The following CFAP47 variants were observed in gnomAD, a reference collection of about 807,000 sequenced individuals.
CFAP47 encodes the protein cilia- and flagella-associated protein 47.
A neutral mutation model predicts 148.1 loss-of-function variants in CFAP47; 29 were observed. The ratio of observed to expected loss-of-function variants is 0.20; its 90% CI spans 0.15 to 0.27. CFAP47 has a LOEUF of 0.27. Among genes scored for constraint, CFAP47 ranks in the 10% least tolerant of loss-of-function variants. CFAP47 has a pLI of 1.00. For synonymous variants in CFAP47, 664 were observed against 577.3 expected (o/e 1.15, Z -2.15); for missense variants, 1,872 against 1,697.5 (o/e 1.10, Z -1.81).
chrX:36,211,507 T>C, intron 45 of CFAP47: 1 of 296,484 alleles, frequency 3.4e-6, no homozygotes, highest in Non-Finnish European at 6.3e-6. Flanking sequence ...CTGGGAGGAA[T>C]GTGGAATAAC....
At chrX:36,036,594 A>T (rs1196079170) in intron 24 of CFAP47, among the ~76,000 whole-genome samples, 2 of 111,600 alleles carry the variant, frequency 1.8e-5, no homozygotes, top group Non-Finnish European at 3.8e-5. Context: ...TTTTTGAGGA[A>T]CGTTCTCAGA....
intron 2 of CFAP47, among the ~76,000 whole-genome samples, chrX:35,927,623 G>T (rs1404194081): frequency 9.1e-6 from 1 of 110,243 alleles, no homozygotes; most frequent in Non-Finnish European, 1.9e-5. Context: ...GTGTGTATGT[G>T]TGTGTGCATG....
intron 33 of CFAP47, among the ~76,000 whole-genome samples, chrX:36,121,184 C>G (rs1038117080): frequency 9.0e-6 from 1 of 111,091 alleles, no homozygotes; most frequent in Non-Finnish European, 1.9e-5. Context: ...GGGACTCTTG[C>G]TCATTTTTGG....
At chrX:36,092,111 A>G (rs773541268) in intron 30 of CFAP47, among the ~76,000 whole-genome samples, 1 of 111,645 alleles carries the variant, frequency 9.0e-6, no homozygotes, top group East Asian at 2.8e-4. Flanking sequence ...AAGTATATAT[A>G]AAAACATAAA....
intron 8 of CFAP47, among the ~76,000 whole-genome samples, chrX:35,962,489 A>G (rs1237982097): frequency 9.0e-6 from 1 of 111,094 alleles, no homozygotes; most frequent in Non-Finnish European, 1.9e-5. Flanking sequence ...TTTTGATGCT[A>G]TTAGGTGCAT....
intron 16 of CFAP47, 155 bp downstream of exon 16, chrX:35,989,604 T>A: frequency 9.0e-7 from 1 of 1,108,325 alleles, no homozygotes; most frequent in Non-Finnish European, 1.2e-6. Flanking sequence ...TCTATAAATA[T>A]GTAATATCAT....
chrX:36,063,128 A>G (rs1370391358), intron 26 of CFAP47, among the ~76,000 whole-genome samples: 2 of 111,794 alleles, frequency 1.8e-5, no homozygotes, highest in Non-Finnish European at 3.8e-5. Flanking sequence ...TTATAATGGA[A>G]TTGAAACTCA....
intron 16 of CFAP47, among the ~76,000 whole-genome samples, chrX:35,990,602 CCTT>C (rs1028612778): frequency 9.0e-6 from 1 of 111,239 alleles, no homozygotes; most frequent in Non-Finnish European, 1.9e-5. Flanking sequence ...TCATTTGACA[CCTT>C]CTTTTCCATA....
At chrX:36,192,421 AAC>A (rs1939876473) in intron 42 of CFAP47, among the ~76,000 whole-genome samples, 1 of 111,574 alleles carries the variant, frequency 9.0e-6, no homozygotes, top group Admixed American at 9.5e-5. Context: ...GACGTTGCAA[AAC>A]ACACAATGAT....
At chrX:36,281,248 T>G (rs1191975572) in intron 50 of CFAP47, among the ~76,000 whole-genome samples, 2 of 112,258 alleles carry the variant, frequency 1.8e-5, no homozygotes, top group Non-Finnish European at 3.8e-5. Flanking sequence ...TGGAGACATT[T>G]TAAATGTTAT....
intron 28 of CFAP47, 45 bp downstream of exon 28, chrX:36,072,016 C>T: frequency 1.0e-6 from 1 of 999,840 alleles, no homozygotes; most frequent in South Asian, 2.4e-5. Flanking sequence ...TAGTCCATGA[C>T]ATGATCTCCT....
intron 56 of CFAP47, 50 bp from the exon 57 acceptor site, chrX:36,319,159 T>C (rs1556011595): frequency 1.5e-6 from 1 of 650,959 alleles, no homozygotes. Flanking sequence ...CCGCTGTTTT[T>C]CTTCTTGAAT....
At chrX:35,997,481 A>G in intron 19 of CFAP47, 92 bp downstream of exon 19, 1 of 267,503 alleles carries the variant, frequency 3.7e-6, no homozygotes. Context: ...TGTTAAAAAT[A>G]TTTTCCAATG....
At chrX:36,361,879 C>T (rs782557891) in intron 61 of CFAP47, among the ~76,000 whole-genome samples, 4 of 112,199 alleles carry the variant, frequency 3.6e-5, no homozygotes, top group African/African-American at 1.3e-4. Context: ...AATGCCTAAG[C>T]TATATTTTAC....
At chrX:36,249,247 G>T (rs2146921252) in intron 48 of CFAP47, among the ~76,000 whole-genome samples, 1 of 110,706 alleles carries the variant, frequency 9.0e-6, no homozygotes, top group Admixed American at 9.7e-5. Context: ...ACAAAAGTTA[G>T]TTATTTGAAA....
chrX:36,119,859 T>A (rs1240424640), intron 33 of CFAP47, among the ~76,000 whole-genome samples: 2 of 111,860 alleles, frequency 1.8e-5, no homozygotes, highest in Non-Finnish European at 3.8e-5. Flanking sequence ...TTGCTCATAG[T>A]GTCTTCTAAT....
chrX:36,299,580 A>G (rs782612189), intron 52 of CFAP47, among the ~76,000 whole-genome samples: 27 of 111,873 alleles, frequency 2.4e-4, no homozygotes, highest in Non-Finnish European at 5.1e-4. Context: ...TACAGTCATA[A>G]TGTCCTACAA....
intron 49 of CFAP47, among the ~76,000 whole-genome samples, chrX:36,253,354 T>A (rs1370682389): frequency 1.8e-5 from 2 of 111,452 alleles, no homozygotes; most frequent in African/African-American, 6.5e-5. Flanking sequence ...AAAAACAGCC[T>A]GTAAAAGGGA....
At chrX:36,361,810 G>A (rs2146991137) in intron 61 of CFAP47, among the ~76,000 whole-genome samples, 1 of 111,967 alleles carries the variant, frequency 8.9e-6, no homozygotes, top group African/African-American at 3.2e-5. Flanking sequence ...ATTTAGCGTT[G>A]TGCAATAGCA....
Sources: allele counts gnomAD v4.1 joint callset (sites outside exome capture counted in the v4.1 genomes callset), GRCh38; gene constraint gnomAD v4.1.1; transcripts MANE v1.5; gene names NCBI Gene and HGNC (gene_info 2026-07-23, HGNC 2026-07-21).